Variants in XXYLT1 observed in about 807,000 individuals in gnomAD.
XXYLT1 encodes the protein xyloside xylosyltransferase 1.
XXYLT1 carries 20 observed loss-of-function variants against 28.9 expected under a neutral mutation model. That is an observed-to-expected ratio of 0.69 (90% CI 0.49 to 1.00). The LOEUF is 1.00. Ranked by LOEUF, XXYLT1 falls within the 50% of genes least tolerant of loss-of-function variation. The pLI, the probability that XXYLT1 is intolerant of heterozygous loss-of-function variation, is 0.00. For missense variants in XXYLT1, 542 were observed against 560.1 expected (o/e 0.97, Z 0.33); for synonymous variants, 257 against 253.8 (o/e 1.01, Z -0.12).
chr3:195,087,246 C>T (rs78388630), intron 3 of XXYLT1: 3,747 of 152,510 alleles, frequency 0.025, 161 homozygotes, highest in African/African-American at 0.086. Context: ...CCTCTTCCGC[C>T]CTCTTCCCGT....
In XXYLT1 at chr3:195,195,519, A is replaced by C. The variant is rs1029531428; in HGVS notation, c.652+31190T>G. Among the ~76,000 whole-genome samples the C allele has an allele frequency of 6.6e-6, 1 of 152,176 alleles. No homozygotes were observed. Among genetic ancestry groups the C allele is most frequent in the Non-Finnish European group, 1.5e-5 (1 of 68,036 alleles). Reference sequence around the variant, plus strand: ...CCTCTTTCAGCTTTAAAAAAATAAAAGGACTCTCTTTTCTGTGTGTTCCTT... The same window carrying C: ...CCTCTTTCAGCTTTAAAAAAATAAACGGACTCTCTTTTCTGTGTGTTCCTT... On this transcript the variant is annotated intron_variant, in intron 2 of 3. Transcript: ENST00000310380. This position sits in a 1 kb window ranked among gnomAD's most constrained non-coding sequence, Gnocchi z 4.4.
chr3:195,144,485 TC>T (rs1001697014), intron 3 of XXYLT1, among the ~76,000 whole-genome samples: 30 of 152,156 alleles, frequency 2.0e-4, no homozygotes, highest in African/African-American at 7.2e-4. Flanking sequence ...CAAGTGATTC[TC>T]CTGCCTCAGC....
intron 2 of XXYLT1, among the ~76,000 whole-genome samples, chr3:195,193,980 C>A (rs1459349675): frequency 6.6e-6 from 1 of 151,944 alleles, no homozygotes; most frequent in Non-Finnish European, 1.5e-5. Flanking sequence ...AGAAAATATT[C>A]CTGACCTTGG....
chr3:195,076,194 G>A lies in XXYLT1; in HGVS notation c.786-6083C>T, dbSNP rs1206174737. On this transcript the variant is annotated intron_variant, in intron 3 of 3. Coordinates refer to ENST00000310380, the MANE Select transcript of XXYLT1 (RefSeq NM_152531.5). The surrounding 1 kb of genome is among the most constrained non-coding windows in gnomAD (Gnocchi z 5.3). ...GAGGTTCAGGGAAGGAAGAGGGCCT[G>A]GAGGAAGGTCTGGGGGCTCGGGGAA... Among the ~76,000 whole-genome samples, 3 of 152,216 alleles carry A rather than the reference G, an allele frequency of 2.0e-5. No individual in the cohort carries two copies. Among genetic ancestry groups the A allele is most frequent in the Non-Finnish European group, 4.4e-5 (3 of 68,036 alleles).
intron 3 of XXYLT1, among the ~76,000 whole-genome samples, chr3:195,079,582 C>T (rs1286928328): frequency 1.3e-5 from 2 of 152,070 alleles, no homozygotes; most frequent in African/African-American, 4.8e-5. Context: ...TTTCCATGTT[C>T]TAGATGAGGA....
intron 1 of XXYLT1, 133 bp from the exon 2 acceptor site, chr3:195,226,989 G>T (rs1418684349): frequency 3.8e-6 from 4 of 1,061,674 alleles, no homozygotes; most frequent in East Asian, 5.3e-5. Flanking sequence ...AGGGGATGGG[G>T]CTAGGGGTAG....
chr3:195,110,611 ATG>A (rs1010481184), intron 3 of XXYLT1, among the ~76,000 whole-genome samples: 1 of 44,462 alleles, frequency 2.2e-5, no homozygotes, highest in African/African-American at 8.7e-5. Context: ...GTATGTGTGC[ATG>A]TGTGTGGTGT....
At chr3:195,241,736 G>A (rs535989785) in intron 1 of XXYLT1, among the ~76,000 whole-genome samples, 69 of 151,776 alleles carry the variant, frequency 4.5e-4, no homozygotes, top group Non-Finnish European at 5.3e-4. Context: ...CAGTTCAAAC[G>A]TCACCTCCAG....
intron 3 of XXYLT1, among the ~76,000 whole-genome samples, chr3:195,089,897 C>T (rs1329133879): frequency 6.6e-6 from 1 of 152,158 alleles, no homozygotes; most frequent in Non-Finnish European, 1.5e-5. Context: ...ATGAAACAGA[C>T]TTTAAAGCAA....
chr3:195,174,679 TC>T (rs1236936690), intron 2 of XXYLT1, among the ~76,000 whole-genome samples: 1 of 97,322 alleles, frequency 1.0e-5, no homozygotes. Flanking sequence ...TTTCCTTCCC[TC>T]CCCCCTCCCT....
intron 1 of XXYLT1, among the ~76,000 whole-genome samples, chr3:195,243,252 G>C (rs576036697): frequency 1.3e-5 from 2 of 151,782 alleles, no homozygotes; most frequent in African/African-American, 2.4e-5. Context: ...GGAGATACAC[G>C]TAATGTAAAT....
intron 2 of XXYLT1, among the ~76,000 whole-genome samples, chr3:195,204,114 G>A (rs764708748): frequency 5.9e-5 from 9 of 152,282 alleles, no homozygotes; most frequent in Non-Finnish European, 1.3e-4. Context: ...GGAGGCTGAG[G>A]CAGGTGGATC....
intron 2 of XXYLT1, among the ~76,000 whole-genome samples, chr3:195,199,604 C>T (rs1041682822): frequency 1.3e-5 from 2 of 151,054 alleles, no homozygotes; most frequent in Non-Finnish European, 2.9e-5. Flanking sequence ...AAGTGAGACT[C>T]GGTCTCAAAA....
Position 195,168,814 on chromosome 3 carries a change from A to C in XXYLT1, c.653-12233T>G, listed in dbSNP as rs1721254679. Among the ~76,000 whole-genome samples, 2 of 152,224 alleles carry C rather than the reference A, an allele frequency of 1.3e-5. No individual in the cohort carries two copies. The highest frequency in any genetic ancestry group is 2.9e-5 in the Non-Finnish European group (2 of 68,044). ...ATTCAGGTCCACGGTGGCCTGTAAT[A>C]ACCTGCTTAGGGTCACACGGCCAGT... On this transcript the variant is annotated intron_variant, in intron 2 of 3. Transcript: ENST00000310380. The surrounding 1 kb of genome is among the most constrained non-coding windows in gnomAD (Gnocchi z 4.3).
chr3:195,184,424 G>A (rs182488348), intron 2 of XXYLT1, among the ~76,000 whole-genome samples: 26 of 152,264 alleles, frequency 1.7e-4, no homozygotes, highest in African/African-American at 6.0e-4. Context: ...CTAACTGAAC[G>A]GCATGATCTT....
Position 195,180,709 on chromosome 3 carries a change from C to T in XXYLT1, c.653-24128G>A, listed in dbSNP as rs189205632. Among the ~76,000 whole-genome samples the T allele has an allele frequency of 2.2e-3, 342 of 152,232 alleles. 2 individuals carry two copies. The highest frequency in any genetic ancestry group is 3.1e-3 in the Non-Finnish European group (213 of 68,012). ...ACAGCTCTGGACACACACAAGCAGA[C>T]GGGAAAGGCGCCTGCCCACTGCCCC... On this transcript the variant is annotated intron_variant, in intron 2 of 3. Transcript: ENST00000310380. The surrounding 1 kb of genome is among the most constrained non-coding windows in gnomAD (Gnocchi z 5.8).
intron 1 of XXYLT1, among the ~76,000 whole-genome samples, chr3:195,261,358 C>T (rs1027086858): frequency 2.0e-5 from 3 of 152,118 alleles, no homozygotes; most frequent in Admixed American, 6.5e-5. Flanking sequence ...CGCTTGAACC[C>T]GGGACATGGG....
chr3:195,250,116 C>T (rs1725192848), intron 1 of XXYLT1, among the ~76,000 whole-genome samples: 1 of 152,196 alleles, frequency 6.6e-6, no homozygotes, highest in Non-Finnish European at 1.5e-5. Flanking sequence ...ACTGTGCTCA[C>T]CCAGGCCACA....
At chr3:195,181,717 G>A (rs931416946) in intron 2 of XXYLT1, among the ~76,000 whole-genome samples, 4 of 152,150 alleles carry the variant, frequency 2.6e-5, no homozygotes, top group African/African-American at 9.7e-5. Context: ...CCCACAGGTG[G>A]TATCTGGCAG....
Sources: gnomAD v4.1 joint callset for allele counts (sites outside exome capture counted in the v4.1 genomes callset) on GRCh38, gnomAD v4.1.1 for gene constraint, Gnocchi (gnomAD v3.1) non-coding constraint, MANE v1.5 for transcripts, NCBI Gene and HGNC (gene_info 2026-07-23, HGNC 2026-07-21) for gene names.